The following SCML4 variants were observed in gnomAD, a reference collection of about 807,000 sequenced individuals.
The protein encoded by SCML4 is Scm polycomb group protein like 4, also known as sex comb on midleg-like protein 4.
SCML4 carries 34 observed loss-of-function variants against 41.1 expected under a neutral mutation model. The ratio of observed to expected loss-of-function variants is 0.83; its 90% CI spans 0.63 to 1.10. The LOEUF is 1.10. Ranked by LOEUF, SCML4 falls within the 50% of genes least tolerant of loss-of-function variation. The probability of loss-of-function intolerance (pLI) is 0.00; values close to 1 mark genes in which losing one functional copy is unlikely to be tolerated. For missense variants in SCML4, 522 were observed against 534.1 expected, an observed-to-expected ratio of 0.98 and a Z score of 0.22; for synonymous variants, 214 against 220.9, an observed-to-expected ratio of 0.97 and a Z score of 0.28.
At chr6:107,819,723 A>T (rs1784810368) in intron 1 of SCML4, among the ~76,000 whole-genome samples, 1 of 151,698 alleles carries the variant, frequency 6.6e-6, no homozygotes. Flanking sequence ...TTTAGGTAGC[A>T]TGTGTCTAAG....
chr6:107,767,612 G>C (rs534829842), intron 2 of SCML4, among the ~76,000 whole-genome samples: 2 of 152,156 alleles, frequency 1.3e-5, no homozygotes, highest in Admixed American at 6.5e-5. Context: ...TTCAGCAAGC[G>C]AATTTTCCAG....
chr6:107,825,120 T>A (rs894129461), upstream of SCML4, among the ~76,000 whole-genome samples: 5 of 152,248 alleles, frequency 3.3e-5, no homozygotes, highest in African/African-American at 1.2e-4. Context: ...CAAATCAATA[T>A]ATATCGGCGA....
At chr6:107,792,818 T>C (rs950222038) in intron 1 of SCML4, among the ~76,000 whole-genome samples, 2 of 152,070 alleles carry the variant, frequency 1.3e-5, no homozygotes, top group African/African-American at 4.8e-5. Flanking sequence ...TTGAAAAAGA[T>C]TTGAGAATAT....
chr6:107,752,514 C>T (rs1162741766), intron 2 of SCML4, among the ~76,000 whole-genome samples: 1 of 151,828 alleles, frequency 6.6e-6, no homozygotes, highest in Non-Finnish European at 1.5e-5. Context: ...ACACGAAGAG[C>T]CTGGAGAAAT....
chr6:107,772,639 A>G (rs778731035), intron 1 of SCML4, among the ~76,000 whole-genome samples: 42 of 152,202 alleles, frequency 2.8e-4, no homozygotes, highest in Non-Finnish European at 4.9e-4. Flanking sequence ...TGGCTAGGCA[A>G]AGAAAACAAT....
intron 5 of SCML4, among the ~76,000 whole-genome samples, chr6:107,740,964 A>C (rs1004025859): frequency 6.6e-6 from 1 of 152,146 alleles, no homozygotes; most frequent in African/African-American, 2.4e-5. Flanking sequence ...AGGCAATAAC[A>C]AAAGGGGGAA....
chr6:107,760,008 A>C (rs1268404927), intron 2 of SCML4, among the ~76,000 whole-genome samples: 1 of 152,160 alleles, frequency 6.6e-6, no homozygotes, highest in Non-Finnish European at 1.5e-5. Flanking sequence ...CATCTTCCAA[A>C]GCCTTTAAAT....
chr6:107,778,084 C>T (rs1445539270), intron 1 of SCML4, among the ~76,000 whole-genome samples: 1 of 149,374 alleles, frequency 6.7e-6, no homozygotes, highest in East Asian at 1.9e-4. Flanking sequence ...GGCATGATAG[C>T]ATATGCCTGT....
Position 107,740,297 on chromosome 6 carries a change from C to T in SCML4, c.682+4652G>A, listed in dbSNP as rs76964707. 2.8e-5 allele frequency: 11 copies of T among 391,730 alleles called. 1 individual carries two copies. The East Asian group carries it at 6.7e-4, about 24-fold the overall frequency. 24.3% of individuals were successfully genotyped at this position (391,730 alleles called of 1,614,324 possible). Reference sequence around the variant, plus strand: ...GAGATGGTGGAAAGCCAGTTTTACACCAACAGATGACCACCCACATCCATC... The same window carrying T: ...GAGATGGTGGAAAGCCAGTTTTACATCAACAGATGACCACCCACATCCATC... On this transcript the variant is annotated intron_variant, in intron 5 of 7. Transcript: ENST00000369020.
At chr6:107,791,619 G>A (rs1182139938) in intron 1 of SCML4, among the ~76,000 whole-genome samples, 1 of 152,184 alleles carries the variant, frequency 6.6e-6, no homozygotes, top group African/African-American at 2.4e-5. Flanking sequence ...TACTGATATT[G>A]GAACATTGTC....
At chr6:107,781,669 CAAAA>C (rs549589428) in intron 1 of SCML4, among the ~76,000 whole-genome samples, 2 of 95,890 alleles carry the variant, frequency 2.1e-5, no homozygotes, top group Non-Finnish European at 4.3e-5. Context: ...GACCCTGTCT[CAAAA>C]AAAAAAAAAA....
At chr6:107,803,439 C>G (rs1783437746) in intron 1 of SCML4, among the ~76,000 whole-genome samples, 2 of 148,066 alleles carry the variant, frequency 1.4e-5, no homozygotes, top group African/African-American at 5.1e-5. Context: ...GGGGTCAGCC[C>G]CCCGCCCGGC....
intron 5 of SCML4, among the ~76,000 whole-genome samples, chr6:107,738,368 GT>G (rs1256791397): frequency 6.6e-6 from 1 of 151,758 alleles, no homozygotes; most frequent in Non-Finnish European, 1.5e-5. Flanking sequence ...TGAATAGGGA[GT>G]TTATAACTTT....
intron 6 of SCML4, among the ~76,000 whole-genome samples, chr6:107,715,668 C>T (rs886992159): frequency 3.9e-5 from 6 of 152,226 alleles, no homozygotes; most frequent in Non-Finnish European, 8.8e-5. Flanking sequence ...CCTGTGAACA[C>T]ATCCCCTTGG....
intron 5 of SCML4, among the ~76,000 whole-genome samples, chr6:107,725,810 G>C (rs1046546380): frequency 2.0e-5 from 3 of 152,170 alleles, no homozygotes; most frequent in Non-Finnish European, 4.4e-5. Context: ...CACTGGGCAC[G>C]GTGGCTCATG....
chr6:107,778,565 G>C (rs1392639510), intron 1 of SCML4, among the ~76,000 whole-genome samples: 1 of 151,970 alleles, frequency 6.6e-6, no homozygotes, highest in African/African-American at 2.4e-5. Flanking sequence ...CCAAGACTTG[G>C]CTAGAAATAC....
intron 2 of SCML4, among the ~76,000 whole-genome samples, chr6:107,751,636 T>TTCTC (rs1491117130): frequency 2.7e-5 from 4 of 146,948 alleles, no homozygotes; most frequent in South Asian, 2.2e-4. Flanking sequence ...CTTTCTTTCT[T>TTCTC]TCTTTCTTTC....
chr6:107,802,585 A>C (rs1227561059), intron 1 of SCML4, among the ~76,000 whole-genome samples: 1 of 102,108 alleles, frequency 9.8e-6, no homozygotes, highest in African/African-American at 4.4e-5. Flanking sequence ...GGAGGGAGGA[A>C]GGAAGGAAGG....
At chr6:107,760,017 A>T (rs1359625662) in intron 2 of SCML4, among the ~76,000 whole-genome samples, 1 of 152,154 alleles carries the variant, frequency 6.6e-6, no homozygotes, top group Non-Finnish European at 1.5e-5. Context: ...AAGCCTTTAA[A>T]TGGGTTACAG....
Sources: allele counts gnomAD v4.1 joint callset (sites outside exome capture counted in the v4.1 genomes callset), GRCh38; gene constraint gnomAD v4.1.1; transcripts MANE v1.5; gene names NCBI Gene and HGNC (gene_info 2026-07-23, HGNC 2026-07-21).